PIK3C3: variants seen among roughly 807,000 people sequenced by gnomAD.
PIK3C3 encodes phosphatidylinositol 3-kinase catalytic subunit type 3, also known as PI3-kinase type 3.
PIK3C3 carries 95 observed loss-of-function variants against 126.1 expected under a neutral mutation model. The ratio of observed to expected loss-of-function variants is 0.75; its 90% CI spans 0.64 to 0.89. The LOEUF (loss-of-function observed/expected upper bound fraction) is 0.89. Among genes scored for constraint, PIK3C3 ranks in the 40% least tolerant of loss-of-function variants. The pLI, the probability that PIK3C3 is intolerant of heterozygous loss-of-function variation, is 0.00. For synonymous variants in PIK3C3, 374 were observed against 360.0 expected, an observed-to-expected ratio of 1.04 and a Z score of -0.44; for missense variants, 829 against 1,063.2, an observed-to-expected ratio of 0.78 and a Z score of 3.06.
chr18:42,059,298 A>G (rs1739659187), intron 22 of PIK3C3, among the ~76,000 whole-genome samples: 1 of 152,214 alleles, frequency 6.6e-6, no homozygotes, highest in South Asian at 2.1e-4. Flanking sequence ...GCTCAGTTTT[A>G]CCTTCCAGAA....
In PIK3C3 at chr18:42,076,247, A is replaced by G. The variant is rs534962558; in HGVS notation, c.2650-4876A>G. Among the ~76,000 whole-genome samples, 48 of 148,664 alleles carry G rather than the reference A, an allele frequency of 3.2e-4. 1 individual carries two copies. The highest frequency in any genetic ancestry group is 1.1e-3 in the African/African-American group (44 of 40,300). On this transcript the variant is annotated intron_variant, in intron 24 of 24. Transcript: ENST00000262039. Reference sequence around the variant, plus strand: ...GCATATATATATTACATATTCATACACATACACACATACATACATATATCA... The same window carrying G: ...GCATATATATATTACATATTCATACGCATACACACATACATACATATATCA...
At chr18:42,041,314 A>G (rs1299489603) in intron 19 of PIK3C3, among the ~76,000 whole-genome samples, 2 of 152,140 alleles carry the variant, frequency 1.3e-5, no homozygotes, top group African/African-American at 4.8e-5. Flanking sequence ...TTAATTGATG[A>G]GCACTTTATT....
chr18:42,033,588 TC>T (rs575352613), intron 15 of PIK3C3, among the ~76,000 whole-genome samples: 148 of 152,350 alleles, frequency 9.7e-4, no homozygotes, highest in African/African-American at 3.2e-3. Context: ...TCTGTATCCT[TC>T]CTGTGAAAAG....
intron 7 of PIK3C3, among the ~76,000 whole-genome samples, chr18:41,994,060 TTAC>T (rs1377609698): frequency 6.6e-6 from 1 of 152,174 alleles, no homozygotes; most frequent in Admixed American, 6.6e-5. Context: ...ATTAGATTAG[TTAC>T]CTTCCTCATC....
In PIK3C3 at chr18:42,004,359, T is replaced by C. The variant is rs752679213; in HGVS notation, c.988T>C (p.Leu330=). 6.2e-7 allele frequency: 1 copy of C among 1,608,340 alleles called. No individual in the cohort carries two copies. ...RYYLTNQEKA[L]TKFLKCVNWD... is the part of the protein sequence containing the mutation. ...TTTAAATATTTTCTGATTTTAGGCC[T>C]TGACAAAATTCTTGAAATGTGTTAA... Residue 330 remains leucine, a synonymous_variant, in exon 10 of 25, where the codon TTG becomes CTG. Transcript: ENST00000262039.
rs1984116994 is a variant in PIK3C3 at position 42,037,683 on chromosome 18, A to C, written c.1840-9A>C. ...GGCCAAATTTGAAATCAATATTTTT[A>C]TTTTCCAGAGTGCCCTTATGCCTGC... On this transcript the variant is annotated splice_polypyrimidine_tract_variant and intron_variant, in intron 16 of 24. Coordinates refer to ENST00000262039, the MANE Select transcript of PIK3C3 (RefSeq NM_002647.4). 6.3e-7 allele frequency: 1 copy of C among 1,598,018 alleles called. No homozygotes were observed. The highest frequency in any genetic ancestry group is 8.5e-7 in the Non-Finnish European group (1 of 1,170,212).
chr18:41,978,984 A>T (rs1033642644), intron 4 of PIK3C3, among the ~76,000 whole-genome samples: 1 of 151,234 alleles, frequency 6.6e-6, no homozygotes, highest in African/African-American at 2.4e-5. Context: ...CCACTCAGCT[A>T]CATGGAAGGC....
chr18:42,043,583 C>T (rs1050594191), intron 19 of PIK3C3, 150 bp from the exon 20 acceptor site: 10 of 519,220 alleles, frequency 1.9e-5, no homozygotes, highest in Non-Finnish European at 3.1e-5. Context: ...TTATCGCACT[C>T]TTACAATTCT....
chr18:42,057,622 G>T, intron 21 of PIK3C3: 1 of 367,872 alleles, frequency 2.7e-6, no homozygotes, highest in Non-Finnish European at 4.9e-6. Flanking sequence ...CTTATAAATA[G>T]GATTTAACAT....
chr18:42,057,583 C>T (rs1985128437), intron 21 of PIK3C3: 1 of 250,344 alleles, frequency 4.0e-6, no homozygotes, highest in South Asian at 5.9e-5. Flanking sequence ...AAAAGTTACC[C>T]AGGCTCTGAC....
intron 2 of PIK3C3, 40 bp downstream of exon 2, chr18:41,957,798 C>T (rs754148579): frequency 8.3e-6 from 12 of 1,453,486 alleles, no homozygotes; most frequent in South Asian, 1.3e-5. Context: ...ACAGACTGTT[C>T]TTACCTTTCT....
intron 19 of PIK3C3, 127 bp from the exon 20 acceptor site, chr18:42,043,606 G>T (rs1984424862): frequency 5.3e-6 from 3 of 567,306 alleles, no homozygotes; most frequent in Non-Finnish European, 9.5e-6. Flanking sequence ...TGTTCAGTCA[G>T]CATCTCTCAT....
chr18:42,064,871 A>G, intron 23 of PIK3C3, 41 bp downstream of exon 23: 1 of 1,060,118 alleles, frequency 9.4e-7, no homozygotes, highest in Admixed American at 1.8e-5. Context: ...CTTCTGTATA[A>G]TTTTTCCATA....
intron 24 of PIK3C3, among the ~76,000 whole-genome samples, chr18:42,077,600 A>G (rs1986078867): frequency 6.6e-6 from 1 of 152,230 alleles, no homozygotes. Context: ...ATTCAGTCAC[A>G]TATTCAGGCT....
Position 42,015,496 on chromosome 18 carries a change from C to T in PIK3C3, c.1346C>T (p.Pro449Leu). Residue 449 changes from proline (P) to leucine (L), a missense_variant, in exon 12 of 25, where the codon CCC becomes CTC. Transcript: ENST00000262039. ...TTCAGCTCCCAAATTATAACCAGCC[C>T]CCTTCCTTCAGTCTCTTCACCTCCT... ...EIDSSQIITSPLPSVSSPPPA... is the reference protein window; with the variant it reads ...EIDSSQIITSLLPSVSSPPPA... 8.7e-6 allele frequency: 14 copies of T among 1,613,490 alleles called. No homozygotes were observed. Among genetic ancestry groups the T allele is most frequent in the Non-Finnish European group, 1.2e-5 (14 of 1,179,714 alleles).
chr18:41,994,447 A>G (rs1981929765), intron 7 of PIK3C3, among the ~76,000 whole-genome samples: 1 of 152,168 alleles, frequency 6.6e-6, no homozygotes, highest in South Asian at 2.1e-4. Flanking sequence ...TTAAATGTAA[A>G]CTTTGGGTGG....
intron 4 of PIK3C3, among the ~76,000 whole-genome samples, chr18:41,980,336 A>G (rs1478477793): frequency 1.3e-5 from 2 of 152,190 alleles, no homozygotes; most frequent in African/African-American, 2.4e-5. Context: ...TAGCTCAAGT[A>G]GCTTGATAAT....
chr18:42,056,562 G>T (rs1985074371), intron 21 of PIK3C3, among the ~76,000 whole-genome samples: 1 of 151,744 alleles, frequency 6.6e-6, no homozygotes, highest in Non-Finnish European at 1.5e-5. Context: ...TAAAACCAAG[G>T]AAAATGTATC....
intron 21 of PIK3C3, among the ~76,000 whole-genome samples, chr18:42,054,709 T>TC (rs1440568910): frequency 6.6e-6 from 1 of 152,130 alleles, no homozygotes; most frequent in African/African-American, 2.4e-5. Flanking sequence ...ATTTTGCCCC[T>TC]CCCCCATTGG....
Sources: allele counts gnomAD v4.1 joint callset (sites outside exome capture counted in the v4.1 genomes callset), GRCh38; gene constraint gnomAD v4.1.1; transcripts MANE v1.5; gene names NCBI Gene and HGNC (gene_info 2026-07-23, HGNC 2026-07-21).